Variants in LIPK observed in about 807,000 individuals in gnomAD.
LIPK encodes lipase member K.
In LIPK, 32 loss-of-function variants were observed where a neutral mutation model predicts 48.6. The observed-to-expected ratio is 0.66, with a 90% CI of 0.50 to 0.88. LIPK has a LOEUF of 0.88. Ranked by LOEUF, LIPK falls within the 40% of genes least tolerant of loss-of-function variation. The probability of loss-of-function intolerance (pLI) is 0.00; values close to 1 mark genes in which losing one functional copy is unlikely to be tolerated. For missense variants in LIPK, 507 were observed against 478.5 expected (o/e 1.06, Z -0.56); for synonymous variants, 164 against 157.4 (o/e 1.04, Z -0.32).
intron 9 of LIPK, among the ~76,000 whole-genome samples, chr10:88,751,125 T>C (rs364303): frequency 0.24 from 36,255 of 151,946 alleles, 4,492 homozygotes; most frequent in East Asian, 0.37. Flanking sequence ...CCTTAGCATG[T>C]CATTCCCTAG....
chr10:88,740,905 G>A (rs1842669184), intron 8 of LIPK, among the ~76,000 whole-genome samples: 1 of 152,056 alleles, frequency 6.6e-6, no homozygotes, highest in Non-Finnish European at 1.5e-5. Context: ...GAAATACTTG[G>A]TGAGGATTTC....
intron 6 of LIPK, among the ~76,000 whole-genome samples, chr10:88,734,503 T>G (rs1842530671): frequency 6.6e-6 from 1 of 152,168 alleles, no homozygotes; most frequent in South Asian, 2.1e-4. Context: ...ATTTGGAATG[T>G]ATTATATAAG....
chr10:88,728,805 G>T, intron 3 of LIPK: 1 of 179,660 alleles, frequency 5.6e-6, no homozygotes. Flanking sequence ...GACTGTGGCG[G>T]GGACTCCGGC....
At chr10:88,729,618 T>A (rs891009697) in intron 3 of LIPK, among the ~76,000 whole-genome samples, 3 of 152,226 alleles carry the variant, frequency 2.0e-5, no homozygotes, top group Non-Finnish European at 4.4e-5. Flanking sequence ...TAATCTGAGA[T>A]CCCTGTGATT....
intron 8 of LIPK, among the ~76,000 whole-genome samples, chr10:88,740,724 C>T (rs751959303): frequency 9.3e-5 from 14 of 149,804 alleles, no homozygotes; most frequent in South Asian, 6.4e-4. Context: ...TCAGTCACAA[C>T]GCCTTTTGAA....
intron 2 of LIPK, 145 bp from the exon 3 acceptor site, chr10:88,726,650 C>T: frequency 5.0e-6 from 3 of 600,160 alleles, no homozygotes; most frequent in South Asian, 2.1e-5. Context: ...GCCAAGATCA[C>T]ACCACTGCAC....
Position 88,726,892 on chromosome 10 carries a change from G to A in LIPK, c.203G>A (p.Arg68Lys). 2 of 1,593,056 alleles carry A rather than the reference G, an allele frequency of 1.3e-6. No homozygotes were observed. The highest frequency in any genetic ancestry group is 1.1e-5 in the South Asian group (1 of 89,156). Residue 68 changes from arginine (R) to lysine (K), a missense_variant, in exon 3 of 10, where the codon AGA (arginine) becomes AAA (lysine). Physicochemically the swap from Arg to Lys is conservative, Grantham distance 26. Coordinates refer to ENST00000404190, the MANE Select transcript of LIPK (RefSeq NM_001080518.2). ...ILGIYRIPHG[R>K]GCPGRTAPKP... is the part of the protein sequence containing the mutation. ...GGAATTTATAGGATTCCACATGGAA[G>A]AGGATGCCCAGGGAGGACAGGTATT...
rs761412649 is a variant in LIPK at position 88,731,084 on chromosome 10, A to G, written c.325A>G (p.Ser109Gly). The G allele has an allele frequency of 4.4e-6, 7 of 1,607,048 alleles. No individual in the cohort carries two copies. Among genetic ancestry groups the G allele is most frequent in the South Asian group, 2.2e-5 (2 of 89,252 alleles). The change falls in exon 4 of 10, where the codon AGT becomes GGT. Residue 109 changes from serine to glycine, a missense_variant. Ser to Gly is a moderately conservative substitution (Grantham distance 56). Coordinates refer to ENST00000404190, the MANE Select transcript of LIPK (RefSeq NM_001080518.2). ...CAGTTTGGCTTTCCTTCTGGCAGAT[A>G]GTGGTTATGACGTGTGGTTGGGGAA... ...NNSLAFLLADSGYDVWLGNSR... is the reference protein window; with the variant it reads ...NNSLAFLLADGGYDVWLGNSR...
intron 6 of LIPK, among the ~76,000 whole-genome samples, chr10:88,734,550 G>T (rs913334408): frequency 6.6e-6 from 1 of 152,156 alleles, no homozygotes; most frequent in Admixed American, 6.5e-5. Flanking sequence ...ACAGGGGAAT[G>T]ACACGCATAA....
At chr10:88,724,685 G>C in intron 2 of LIPK, 37 bp downstream of exon 2, 4 of 1,404,530 alleles carry the variant, frequency 2.8e-6, no homozygotes, top group Non-Finnish European at 3.9e-6. Context: ...CTAAAATAAG[G>C]AATTATTCAT....
chr10:88,729,708 T>A (rs436861), intron 3 of LIPK, among the ~76,000 whole-genome samples: 37,558 of 152,096 alleles, frequency 0.25, 4,834 homozygotes, highest in East Asian at 0.36. Context: ...TAGTAACACC[T>A]CTTCTTTCCC....
At chr10:88,739,340 T>A (rs1842635211) in intron 7 of LIPK, among the ~76,000 whole-genome samples, 1 of 152,214 alleles carries the variant, frequency 6.6e-6, no homozygotes, top group Admixed American at 6.5e-5. Flanking sequence ...AGAAGATCAC[T>A]GGGGTTTTTA....
chr10:88,748,006 G>A (rs1450972540), intron 9 of LIPK, among the ~76,000 whole-genome samples: 4 of 152,004 alleles, frequency 2.6e-5, no homozygotes, highest in East Asian at 1.9e-4. Context: ...TGGAACCAAC[G>A]GAAATGCCCA....
intron 3 of LIPK, 128 bp downstream of exon 3, chr10:88,727,040 G>A (rs1842357984): frequency 3.1e-6 from 2 of 654,612 alleles, no homozygotes; most frequent in East Asian, 2.7e-5. Context: ...AAAAATTATC[G>A]CCCCCCATCT....
intron 3 of LIPK, chr10:88,728,458 A>C: frequency 5.0e-6 from 1 of 201,508 alleles, no homozygotes; most frequent in Non-Finnish European, 1.0e-5. Context: ...ATGAGACTGA[A>C]GGCCTCAAAG....
chr10:88,749,977 C>G (rs1465560190), intron 9 of LIPK, among the ~76,000 whole-genome samples: 3 of 152,108 alleles, frequency 2.0e-5, no homozygotes, highest in Middle Eastern at 3.4e-3. Context: ...CCAAACACCC[C>G]CATTAAAAAG....
rs1842598819 is a variant in LIPK at position 88,737,623 on chromosome 10, AT to A, written c.670-10del. 1 of 1,611,688 alleles carries A rather than the reference AT, an allele frequency of 6.2e-7. No individual in the cohort carries two copies. Among genetic ancestry groups the A allele is most frequent in the African/African-American group, 1.3e-5 (1 of 74,830 alleles). ...CCTGTAAGATTTGATGGTGTTTTAA[AT>A]TATCTTGTAGGTGTTGTTTGGTGAC... On this transcript the variant is annotated splice_polypyrimidine_tract_variant and intron_variant, in intron 6 of 9. Transcript: ENST00000404190.
intron 6 of LIPK, among the ~76,000 whole-genome samples, chr10:88,736,952 C>T (rs967658127): frequency 1.3e-5 from 2 of 151,974 alleles, no homozygotes; most frequent in South Asian, 2.1e-4. Flanking sequence ...GTCTTTTTAC[C>T]TTTATATCTA....
At chr10:88,719,671 T>C (rs934481731) in intron 1 of LIPK, among the ~76,000 whole-genome samples, 2 of 152,204 alleles carry the variant, frequency 1.3e-5, no homozygotes, top group Admixed American at 1.3e-4. Context: ...TCTTTGTACC[T>C]GCACACTCTG....
Sources: gnomAD v4.1 joint callset for allele counts (sites outside exome capture counted in the v4.1 genomes callset) on GRCh38, gnomAD v4.1.1 for gene constraint, MANE v1.5 for transcripts, NCBI Gene and HGNC (gene_info 2026-07-23, HGNC 2026-07-21) for gene names.